PHF3: variants seen among roughly 807,000 people sequenced by gnomAD.
PHF3 encodes PHD finger protein 3.
Under a neutral mutation model 178.4 loss-of-function variants are expected in PHF3, and 41 were observed. The observed-to-expected ratio is 0.23, with a 90% confidence interval of 0.18 to 0.30. PHF3 has a LOEUF of 0.30. Among genes scored for constraint, PHF3 ranks in the 10% least tolerant of loss-of-function variants. PHF3 has a pLI of 1.00. For synonymous variants in PHF3, 842 were observed against 800.5 expected, an observed-to-expected ratio of 1.05 and a Z score of -0.88; for missense variants, 2,346 against 2,398.1, an observed-to-expected ratio of 0.98 and a Z score of 0.45.
intron 2 of PHF3, among the ~76,000 whole-genome samples, chr6:63,674,571 A>T (rs1766083567): frequency 6.6e-6 from 1 of 152,030 alleles, no homozygotes; most frequent in Non-Finnish European, 1.5e-5. Flanking sequence ...TCATGAAGGA[A>T]AGAACTCTTA....
Position 63,692,169 on chromosome 6 carries a change from A to G in PHF3, c.2496+126A>G, listed in dbSNP as rs146947826. The G allele has an allele frequency of 1.6e-4, 114 of 722,506 alleles. No homozygotes were observed. In the East Asian group the frequency reaches 2.4e-3, roughly 15 times the overall value. The allele number at this position is 722,506 out of a possible 1,614,324, so 44.8% of individuals were successfully genotyped here. A position where few individuals can be genotyped will look rare whatever the true frequency, so the allele number is the denominator to read the frequency against. On this transcript the variant is annotated intron_variant, in intron 5 of 15. Coordinates refer to ENST00000262043, the MANE Select transcript of PHF3 (RefSeq NM_001370348.2). ...TTTACATTTTCAAATTTAGTTTTCC[A>G]TGAAAGTGAATAGGTTTTTATTTAA...
intron 2 of PHF3, among the ~76,000 whole-genome samples, chr6:63,666,248 A>T (rs1005547755): frequency 3.9e-5 from 6 of 152,174 alleles, no homozygotes; most frequent in African/African-American, 1.2e-4. Context: ...AGCTTTGCTG[A>T]ATACCTGACA....
At position 63,685,237 on chromosome 6, in the gene PHF3, T is replaced by C; in HGVS notation, c.1515T>C (p.Ala505=). 1 of 1,613,842 alleles carries C rather than the reference T, an allele frequency of 6.2e-7. No individual in the cohort carries two copies. The highest frequency in any genetic ancestry group is 8.5e-7 in the Non-Finnish European group (1 of 1,179,946). ...CTAAGCAAAACATGACCACAGATGC[T>C]CCGAAGAAAATTGTTGCAGCAAAGT... The part of the protein sequence containing the change: ...IHSKQNMTTD[A]PKKIVAAKYE... Residue 505 remains alanine, a synonymous_variant, in exon 4 of 16, where the codon GCT becomes GCC. Coordinates refer to ENST00000262043, the MANE Select transcript of PHF3 (RefSeq NM_001370348.2).
intron 2 of PHF3, among the ~76,000 whole-genome samples, chr6:63,665,486 G>GTTTTTTTTTTTTTTTTTTT (rs11427203): frequency 1.8e-5 from 2 of 111,220 alleles, no homozygotes; most frequent in African/African-American, 7.1e-5. Context: ...GTTTTTTTTT[G>GTTTTTTTTTTTTTTTTTTT]TTTTTTTTTT....
intron 2 of PHF3, among the ~76,000 whole-genome samples, chr6:63,650,207 T>C (rs946282446): frequency 2.6e-5 from 4 of 152,220 alleles, no homozygotes; most frequent in South Asian, 2.1e-4. Flanking sequence ...AGCACTCTTA[T>C]CTGCTACTGT....
At chr6:63,682,048 T>C (rs1766461682) in intron 3 of PHF3, among the ~76,000 whole-genome samples, 1 of 152,124 alleles carries the variant, frequency 6.6e-6, no homozygotes. Context: ...ATATACAAAT[T>C]CACTTAATCT....
rs1288503942 is a variant in PHF3, at chr6:63,684,359, G to A, written c.637G>A (p.Val213Ile). 3.7e-6 allele frequency: 6 copies of A among 1,613,790 alleles called. No individual in the cohort carries two copies. Among genetic ancestry groups the A allele is most frequent in the Non-Finnish European group, 4.2e-6 (5 of 1,179,832 alleles). Residue 213 changes from valine (V) to isoleucine (I), a missense_variant, in exon 4 of 16, where the codon GTA becomes ATA. By Grantham distance (29) the Val-to-Ile change is conservative. Transcript: ENST00000262043. ...CGGACAAATTGAAGTGGTACCTGAA[G>A]TATCAGTGTCTTCAAGTCATTCTTC... ...NSGQIEVVPE[V>I]SVSSSHSSVS...
At chr6:63,693,470 C>G (rs1256048405) in intron 5 of PHF3, among the ~76,000 whole-genome samples, 1 of 152,118 alleles carries the variant, frequency 6.6e-6, no homozygotes, top group Non-Finnish European at 1.5e-5. Context: ...CAAAAATTAG[C>G]CGAGCATGGT....
intron 2 of PHF3, among the ~76,000 whole-genome samples, chr6:63,668,975 A>G (rs938436838): frequency 3.3e-5 from 5 of 152,190 alleles, no homozygotes; most frequent in Non-Finnish European, 7.4e-5. Flanking sequence ...AATATGTAAA[A>G]GGAGGTCAGC....
In PHF3 at chr6:63,685,372, A is replaced by T; in HGVS notation, c.1650A>T (p.Lys550Asn). The change falls in exon 4 of 16, where the codon AAA becomes AAT. Residue 550 changes from lysine (K) to asparagine (N), a missense_variant. By Grantham distance (94) the Lys-to-Asn change is moderately conservative (BLOSUM62 0). This residue lies in a region of PHF3 where 843 missense variants were observed against 795.2 expected (regional missense o/e 1.06). Coordinates refer to ENST00000262043, the MANE Select transcript of PHF3 (RefSeq NM_001370348.2). The stretch of plus-strand genomic sequence containing the variant: ...ATAGGCCAGTCAAAGTCAGAAAAAA[A>T]CAAATTGATAAGGAGCCAAAGATTC... ...NFHRPVKVRK[K>N]QIDKEPKIQS... 1 of 1,614,062 alleles carries T rather than the reference A, an allele frequency of 6.2e-7. No individual in the cohort carries two copies. Among genetic ancestry groups the T allele is most frequent in the East Asian group, 2.2e-5 (1 of 44,888 alleles).
chr6:63,680,806 G>A (rs1766402841), intron 3 of PHF3, among the ~76,000 whole-genome samples: 1 of 151,926 alleles, frequency 6.6e-6, no homozygotes, highest in African/African-American at 2.4e-5. Flanking sequence ...AACACCTCTT[G>A]GAGCCTTCTG....
At chr6:63,640,098 T>G (rs147965316) in intron 1 of PHF3, among the ~76,000 whole-genome samples, 2 of 152,234 alleles carry the variant, frequency 1.3e-5, no homozygotes, top group African/African-American at 4.8e-5. Flanking sequence ...AGAAAAGTTA[T>G]GATCCTTGCT....
chr6:63,646,442 C>T (rs1764788250), intron 1 of PHF3, 85 bp from the exon 2 acceptor site: 3 of 948,538 alleles, frequency 3.2e-6, no homozygotes, highest in Non-Finnish European at 4.5e-6. Context: ...TGTTCTTAGA[C>T]TCAAAACTAT....
chr6:63,646,565 A>G lies in PHF3; in HGVS notation c.14A>G (p.Asp5Gly). The change falls in exon 2 of 16, where the codon GAT (aspartate) becomes GGT (glycine). Residue 5 changes from aspartate (D) to glycine (G), a missense_variant. Asp to Gly is a moderately conservative substitution (Grantham distance 94). Coordinates refer to ENST00000262043, the MANE Select transcript of PHF3 (RefSeq NM_001370348.2). MDIV[D>G]TFNHLIPTEH... ...ACAGAAGTCTTCATGGATATAGTTGATACATTTAATCATTTAATTCCTACT... is the reference window on the plus strand; with the variant it reads ...ACAGAAGTCTTCATGGATATAGTTGGTACATTTAATCATTTAATTCCTACT... The G allele has an allele frequency of 6.2e-7, 1 of 1,610,384 alleles. No individual in the cohort carries two copies. Among genetic ancestry groups the G allele is most frequent in the East Asian group, 2.2e-5 (1 of 44,752 alleles).
Position 63,685,318 on chromosome 6 carries a change from T to G in PHF3, c.1596T>G (p.Thr532=), listed in dbSNP as rs1398752211. 2 of 1,613,870 alleles carry G rather than the reference T, an allele frequency of 1.2e-6. No individual in the cohort carries two copies. Among genetic ancestry groups the G allele is most frequent in the Non-Finnish European group, 1.7e-6 (2 of 1,179,982 alleles). Residue 532 remains threonine, a synonymous_variant, in exon 4 of 16, where the codon ACT becomes ACG. Transcript: ENST00000262043. ...ATGTCAAAAGTGTGAAACGAAATAC[T>G]GATGTACCAGAATCTCAGCAAAATT... ...KVNVKSVKRN[T]DVPESQQNFH...
Position 63,721,766 on chromosome 6 carries a change from A to G in PHF3, c.*8058A>G. 1 of 1,550,720 alleles carries G rather than the reference A, an allele frequency of 6.4e-7. No homozygotes were observed. The highest frequency in any genetic ancestry group is 8.7e-7 in the Non-Finnish European group (1 of 1,146,402). ...CAAGGTTGTAGCGAAGTTGAACGGA[A>G]CTATTTACTAAAGAGATGCATAAAA... On this transcript the variant is annotated 3_prime_UTR_variant, in exon 16 of 16. Coordinates refer to ENST00000262043, the MANE Select transcript of PHF3 (RefSeq NM_001370348.2).
intron 15 of PHF3, 101 bp from the exon 16 acceptor site, chr6:63,711,485 A>G (rs1213227031): frequency 1.3e-5 from 17 of 1,344,950 alleles, no homozygotes; most frequent in Non-Finnish European, 1.5e-5. Context: ...TGACAGGGCC[A>G]GGCACCATTT....
chr6:63,673,827 TCTC>T (rs1432515111), intron 2 of PHF3, among the ~76,000 whole-genome samples: 1 of 152,178 alleles, frequency 6.6e-6, no homozygotes, highest in Non-Finnish European at 1.5e-5. Flanking sequence ...AAGGTGAATA[TCTC>T]CTCCTCTTAA....
At position 63,712,713 on chromosome 6, in the gene PHF3, T is replaced by G. The variant is rs1768007269; in HGVS notation, c.5125T>G (p.Cys1709Gly). 6.2e-7 allele frequency: 1 copy of G among 1,613,808 alleles called. No homozygotes were observed. The highest frequency in any genetic ancestry group is 1.3e-5 in the African/African-American group (1 of 74,886). The change falls in exon 16 of 16, where the codon TGT becomes GGT. Residue 1709 changes from cysteine to glycine, a missense_variant. By Grantham distance (159) the Cys-to-Gly change is radical. This residue lies in a region of PHF3 where 839 missense variants were observed against 806.9 expected (regional missense o/e 1.04). Coordinates refer to ENST00000262043, the MANE Select transcript of PHF3 (RefSeq NM_001370348.2). ...EKLCSAEKNSCVQQSDNLKVA... is the reference protein window; with the variant it reads ...EKLCSAEKNSGVQQSDNLKVA... ...GTTGTGTTCTGCAGAGAAAAACTCG[T>G]GTGTTCAGCAGAGTGACAATTTAAA...
Sources: gnomAD v4.1 joint callset for allele counts (sites outside exome capture counted in the v4.1 genomes callset) on GRCh38, gnomAD v4.1.1 for gene constraint, gnomAD v4.1.1 regional missense constraint, MANE v1.5 for transcripts, NCBI Gene and HGNC (gene_info 2026-07-23, HGNC 2026-07-21) for gene names.